GALNT5: variants seen among roughly 807,000 people sequenced by gnomAD.
GALNT5 encodes the protein polypeptide N-acetylgalactosaminyltransferase 5, also known as UDP-GalNAc:polypeptide N-acetylgalactosaminyltransferase 5.
A neutral mutation model predicts 85.4 loss-of-function variants in GALNT5; 72 were observed. The ratio of observed to expected loss-of-function variants is 0.84; its 90% CI spans 0.70 to 1.03. The LOEUF (loss-of-function observed/expected upper bound fraction) is 1.03, where lower values mean the gene tolerates loss of function less well. GALNT5 is among the 50% of genes least tolerant of loss of function. The probability of loss-of-function intolerance (pLI) is 0.00; values close to 1 mark genes in which losing one functional copy is unlikely to be tolerated. For synonymous variants in GALNT5, 404 were observed against 397.0 expected (o/e 1.02, Z -0.21); for missense variants, 1,137 against 1,135.5 (o/e 1.00, Z -0.02).
rs1282773099 is a variant in GALNT5, at chr2:157,314,014, ATTT to A, written c.*2668_*2670del. 6.6e-6 allele frequency: 1 copy of A among 152,118 alleles called. No individual in the cohort carries two copies. Among genetic ancestry groups the A allele is most frequent in the Non-Finnish European group, 1.5e-5 (1 of 68,014 alleles). 9.4% of individuals were successfully genotyped at this position (152,118 alleles called of 1,614,324 possible). A position where few individuals can be genotyped will look rare whatever the true frequency, so the allele number is the denominator to read the frequency against. On this transcript the variant is annotated 3_prime_UTR_variant, in exon 10 of 10. Coordinates refer to ENST00000259056, the MANE Select transcript of GALNT5 (RefSeq NM_014568.3). ...ATTTATTATTACATCTACTACCAAC[ATTT>A]TCTTAAGCATAGCCTTCTAAATTTT...
Position 157,308,730 on chromosome 2 carries a change from T to G in GALNT5, c.2682+2T>G. 4 of 1,607,058 alleles carry G rather than the reference T, an allele frequency of 2.5e-6. No homozygotes were observed. The highest frequency in any genetic ancestry group is 3.4e-6 in the Non-Finnish European group (4 of 1,177,478). ...ACATCAGTCTTTCATCCAGAACTGG[T>G]AAGCAAAAGATTGGTACCTCTTCTT... On this transcript the variant is annotated splice_donor_variant, in intron 9 of 9. Transcript: ENST00000259056. LOFTEE classifies it high-confidence loss of function.
intron 3 of GALNT5, among the ~76,000 whole-genome samples, chr2:157,286,893 AGT>A (rs3072178): frequency 0.14 from 19,147 of 135,518 alleles, 1,238 homozygotes; most frequent in Admixed American, 0.18. Context: ...TTTAAATACC[AGT>A]GTGTGTGTGT....
rs763440862 is a variant in GALNT5 at position 157,311,253 on chromosome 2, G to C, written c.2728G>C (p.Glu910Gln). Residue 910 changes from glutamate to glutamine, a missense_variant, in exon 10 of 10, where the codon GAA becomes CAA. By Grantham distance (29) the Glu-to-Gln change is conservative. Coordinates refer to ENST00000259056, the MANE Select transcript of GALNT5 (RefSeq NM_014568.3). ...FENNQQLLCL[E>Q]GNFSQKILKV... ...AAACAATCAGCAATTATTATGCTTGGAAGGAAATTTTTCTCAAAAGATCCT... is the reference window on the plus strand; with the variant it reads ...AAACAATCAGCAATTATTATGCTTGCAAGGAAATTTTTCTCAAAAGATCCT... 1.2e-6 allele frequency: 2 copies of C among 1,610,322 alleles called. No homozygotes were observed. Among genetic ancestry groups the C allele is most frequent in the African/African-American group, 2.7e-5 (2 of 74,760 alleles).
intron 2 of GALNT5, 36 bp downstream of exon 2, chr2:157,284,484 A>G: frequency 6.3e-7 from 1 of 1,581,510 alleles, no homozygotes; most frequent in Admixed American, 1.7e-5. Flanking sequence ...TTGAAATTTC[A>G]AAGTTTGGCA....
At chr2:157,298,934 ACGGAAGAC>A (rs146351396) in intron 5 of GALNT5, 144,829 of 151,648 alleles carry the variant, frequency 0.96, 69,278 homozygotes, top group East Asian at 1. Flanking sequence ...TATACCCTTG[ACGGAAGAC>A]CGGAAGACCG....
chr2:157,263,663 G>A (rs1682397798), intron 1 of GALNT5, among the ~76,000 whole-genome samples: 1 of 152,138 alleles, frequency 6.6e-6, no homozygotes, highest in Non-Finnish European at 1.5e-5. Context: ...GAAGCAACAG[G>A]TTTACACAGT....
intron 1 of GALNT5, among the ~76,000 whole-genome samples, chr2:157,282,594 TATGTA>T (rs1248899454): frequency 6.6e-6 from 1 of 152,214 alleles, no homozygotes. Context: ...ATAATGTTTA[TATGTA>T]ATCTTATAGG....
chr2:157,291,810 T>C (rs1683107083), intron 3 of GALNT5, among the ~76,000 whole-genome samples: 1 of 152,128 alleles, frequency 6.6e-6, no homozygotes, highest in African/African-American at 2.4e-5. Context: ...TTTCCAAATC[T>C]AGTGCTCTGT....
intron 1 of GALNT5, among the ~76,000 whole-genome samples, chr2:157,264,053 A>C (rs577193596): frequency 6.6e-6 from 1 of 152,318 alleles, no homozygotes; most frequent in South Asian, 2.1e-4. Flanking sequence ...TTTGCTTGAA[A>C]TAAAATGCTT....
At chr2:157,277,509 T>C (rs574725328) in intron 1 of GALNT5, among the ~76,000 whole-genome samples, 3 of 152,360 alleles carry the variant, frequency 2.0e-5, no homozygotes, top group South Asian at 4.1e-4. Context: ...TGCTCCTGTA[T>C]TGGGTGCATA....
At chr2:157,269,268 T>C (rs1682528585) in intron 1 of GALNT5, among the ~76,000 whole-genome samples, 1 of 152,192 alleles carries the variant, frequency 6.6e-6, no homozygotes, top group South Asian at 2.1e-4. Context: ...GAAACATGTT[T>C]AATCTGTTTA....
chr2:157,263,083 T>G (rs537997438), intron 1 of GALNT5, among the ~76,000 whole-genome samples: 1 of 151,644 alleles, frequency 6.6e-6, no homozygotes, highest in Non-Finnish European at 1.5e-5. Flanking sequence ...CGCCTTGGCC[T>G]CCCAAAATGC....
At position 157,295,659 on chromosome 2, in the gene GALNT5, C is replaced by T. The variant is rs1436677055; in HGVS notation, c.1742-4C>T. 2.5e-6 allele frequency: 4 copies of T among 1,611,532 alleles called. No homozygotes were observed. The South Asian group carries it at 4.4e-5, about 18-fold the overall frequency. ...AAGTTTTTTGTGTGTGTTTGGCCCT[C>T]TAGGTGATGTGTTGACATTTTTAGA... On this transcript the variant is annotated splice_region_variant and splice_polypyrimidine_tract_variant and intron_variant, in intron 3 of 9. Coordinates refer to ENST00000259056, the MANE Select transcript of GALNT5 (RefSeq NM_014568.3).
At chr2:157,262,955 G>A (rs1455510136) in intron 1 of GALNT5, among the ~76,000 whole-genome samples, 4 of 150,114 alleles carry the variant, frequency 2.7e-5, no homozygotes, top group Non-Finnish European at 5.9e-5. Context: ...AGCCTCCCGA[G>A]TAGCTGGGAC....
chr2:157,296,698 T>C (rs1056673712), intron 5 of GALNT5, among the ~76,000 whole-genome samples, 185 bp downstream of exon 5: 3 of 152,220 alleles, frequency 2.0e-5, no homozygotes, highest in African/African-American at 4.8e-5. Context: ...CATTCTTCAC[T>C]GGTCATTTGT....
At position 157,284,171 on chromosome 2, in the gene GALNT5, T is replaced by G. The variant is rs1682916276; in HGVS notation, c.1455-111T>G. ...ATGATAGATAGACCAGACAGATCGA[T>G]GACAGATTAAGTGTGTGTGTATATG... is the stretch of plus-strand genomic sequence containing the variant. On this transcript the variant is annotated intron_variant, in intron 1 of 9. Transcript: ENST00000259056. 3.9e-6 allele frequency: 3 copies of G among 778,984 alleles called. No homozygotes were observed. The Admixed American group carries it at 5.6e-5, about 15-fold the overall frequency. The allele number at this position is 778,984 out of a possible 1,614,324, so 48.3% of individuals were successfully genotyped here.
chr2:157,267,406 A>T (rs960088405), intron 1 of GALNT5, among the ~76,000 whole-genome samples: 12 of 152,230 alleles, frequency 7.9e-5, no homozygotes, highest in Admixed American at 6.5e-4. Context: ...CTTATGACCC[A>T]AAGGAAAGCA....
chr2:157,296,542 G>C (rs1469853808), intron 5 of GALNT5, 29 bp downstream of exon 5: 3 of 1,568,258 alleles, frequency 1.9e-6, no homozygotes, highest in Non-Finnish European at 2.6e-6. Context: ...AGACTAGAAA[G>C]CAGTCATGTA....
chr2:157,261,273 G>T (rs1224754557), intron 1 of GALNT5, among the ~76,000 whole-genome samples: 2 of 152,020 alleles, frequency 1.3e-5, no homozygotes, highest in African/African-American at 4.8e-5. Flanking sequence ...CAGAGAAAAG[G>T]CACATGCGTG....
Sources: allele counts gnomAD v4.1 joint callset (sites outside exome capture counted in the v4.1 genomes callset), GRCh38; gene constraint gnomAD v4.1.1; transcripts MANE v1.5; gene names NCBI Gene and HGNC (gene_info 2026-07-23, HGNC 2026-07-21).